The following TMEM108 variants were observed in gnomAD, a reference collection of about 807,000 sequenced individuals.
TMEM108 encodes the protein cancer/testis antigen 124.
TMEM108 carries 12 observed loss-of-function variants against 35.1 expected under a neutral mutation model. The observed-to-expected ratio is 0.34, with a 90% CI of 0.22 to 0.55. The LOEUF (loss-of-function observed/expected upper bound fraction) is 0.55, where lower values mean the gene tolerates loss of function less well. Ranked by LOEUF, TMEM108 falls within the 20% of genes least tolerant of loss-of-function variation. The pLI is 0.89. For missense variants in TMEM108, 680 were observed against 753.3 expected, an observed-to-expected ratio of 0.90 and a Z score of 1.14; for synonymous variants, 287 against 308.6, an observed-to-expected ratio of 0.93 and a Z score of 0.73.
chr3:133,173,744 A>G (rs773941570), intron 2 of TMEM108, among the ~76,000 whole-genome samples: 1 of 152,204 alleles, frequency 6.6e-6, no homozygotes, highest in African/African-American at 2.4e-5. Context: ...GAACAGCTCT[A>G]GTCTACAGCT....
At chr3:133,345,091 C>T (rs1310537197) in intron 3 of TMEM108, among the ~76,000 whole-genome samples, 2 of 151,744 alleles carry the variant, frequency 1.3e-5, no homozygotes, top group East Asian at 1.9e-4. Context: ...CTCATGTAAC[C>T]GAGTTTCCAA....
Position 133,114,454 on chromosome 3 carries a change from C to T in TMEM108, c.-47+68434C>T, listed in dbSNP as rs1559836619. ...TAATGTAACTAAACAATAACATAAA[C>T]GCTAGAATTCCCAACTGTTCTTTTA... On this transcript the variant is annotated intron_variant, in intron 2 of 5. Transcript: ENST00000321871. Among the ~76,000 whole-genome samples the T allele has an allele frequency of 2.6e-5, 4 of 152,020 alleles. No homozygotes were observed. In the South Asian group the frequency reaches 8.3e-4, roughly 32 times the overall value.
intron 4 of TMEM108, 60 bp downstream of exon 4, chr3:133,381,221 G>T: frequency 1.3e-6 from 2 of 1,497,978 alleles, no homozygotes; most frequent in South Asian, 2.7e-5. Flanking sequence ...CTCAACCCCA[G>T]CATTCCTTTG....
chr3:133,286,584 G>A (rs1055512058), intron 3 of TMEM108, among the ~76,000 whole-genome samples: 1 of 152,098 alleles, frequency 6.6e-6, no homozygotes. Context: ...CAATCTTCCC[G>A]CCTTGGCCTC....
At chr3:133,373,476 C>T (rs2072743858) in intron 3 of TMEM108, among the ~76,000 whole-genome samples, 1 of 151,822 alleles carries the variant, frequency 6.6e-6, no homozygotes, top group African/African-American at 2.4e-5. Flanking sequence ...ATGGGATTGG[C>T]AGGCAATGAG....
chr3:133,241,753 T>G (rs1946317089), intron 3 of TMEM108, among the ~76,000 whole-genome samples: 1 of 151,888 alleles, frequency 6.6e-6, no homozygotes, highest in African/African-American at 2.4e-5. Context: ...TAGCTGGGAT[T>G]ACAGGTGCAC....
At chr3:133,101,994 G>T (rs1468831699) in intron 2 of TMEM108, among the ~76,000 whole-genome samples, 1 of 152,138 alleles carries the variant, frequency 6.6e-6, no homozygotes, top group African/African-American at 2.4e-5. Flanking sequence ...TATTTTTGAG[G>T]CTATTCTATC....
intron 2 of TMEM108, among the ~76,000 whole-genome samples, chr3:133,184,629 T>G (rs986983286): frequency 3.3e-5 from 5 of 151,924 alleles, no homozygotes; most frequent in South Asian, 2.1e-4. Context: ...GACAACTCCC[T>G]TCAGTCATTT....
chr3:133,241,273 A>T (rs998414832), intron 3 of TMEM108, among the ~76,000 whole-genome samples: 1 of 152,218 alleles, frequency 6.6e-6, no homozygotes, highest in Non-Finnish European at 1.5e-5. Flanking sequence ...AAGCCCCCCA[A>T]ACCTAAGATA....
chr3:133,294,029 G>C (rs925010781), intron 3 of TMEM108, among the ~76,000 whole-genome samples: 1 of 152,180 alleles, frequency 6.6e-6, no homozygotes, highest in Non-Finnish European at 1.5e-5. Context: ...GATTTGTTAT[G>C]ACTGAATATT....
In TMEM108 at chr3:133,396,858, T is replaced by C. The variant is rs1394362389; in HGVS notation, c.*872T>C. The C allele has an allele frequency of 6.6e-6, 1 of 152,126 alleles. No individual in the cohort carries two copies. The highest frequency in any genetic ancestry group is 2.4e-5 in the African/African-American group (1 of 41,410). The allele number at this position is 152,126 out of a possible 1,614,324, so 9.4% of individuals were successfully genotyped here. On this transcript the variant is annotated 3_prime_UTR_variant, in exon 6 of 6. Coordinates refer to ENST00000321871, the MANE Select transcript of TMEM108 (RefSeq NM_023943.4). ...TTTATTGGGGTTCAGCTTTGTTTTC[T>C]CAAAAGGCCATGGTATCGTGCCCCT...
chr3:133,270,464 C>T (rs1946754434), intron 3 of TMEM108, among the ~76,000 whole-genome samples: 1 of 152,120 alleles, frequency 6.6e-6, no homozygotes. Flanking sequence ...GTGACGTTCC[C>T]TAGGTTGCAT....
At chr3:133,378,587 C>T in intron 3 of TMEM108, 1 of 973,674 alleles carries the variant, frequency 1.0e-6, no homozygotes, top group Non-Finnish European at 1.2e-6. Flanking sequence ...GACTGTTGGC[C>T]CTTCCTCAGC....
At chr3:133,129,063 G>A (rs1212233869) in intron 2 of TMEM108, among the ~76,000 whole-genome samples, 2 of 152,128 alleles carry the variant, frequency 1.3e-5, no homozygotes, top group Non-Finnish European at 2.9e-5. Flanking sequence ...AAACAAAACA[G>A]GCTGGGCACA....
chr3:133,361,640 C>T (rs2072353366), intron 3 of TMEM108, among the ~76,000 whole-genome samples: 1 of 152,082 alleles, frequency 6.6e-6, no homozygotes, highest in African/African-American at 2.4e-5. Context: ...GCAGTTGCTG[C>T]TGGGAAGATT....
At chr3:133,078,684 G>A (rs1943774593) in intron 2 of TMEM108, among the ~76,000 whole-genome samples, 1 of 152,168 alleles carries the variant, frequency 6.6e-6, no homozygotes, top group East Asian at 1.9e-4. Context: ...TTTAACTGGA[G>A]GAGTTTTAAG....
chr3:133,094,236 C>CTCCA (rs1943984567), intron 2 of TMEM108, among the ~76,000 whole-genome samples: 1 of 126,188 alleles, frequency 7.9e-6, no homozygotes, highest in Non-Finnish European at 1.7e-5. Context: ...ACCCCCCACC[C>CTCCA]CCCCCACACA....
At chr3:133,220,117 T>G (rs1480960064) in intron 2 of TMEM108, among the ~76,000 whole-genome samples, 1 of 151,798 alleles carries the variant, frequency 6.6e-6, no homozygotes, top group African/African-American at 2.4e-5. Context: ...ACTAAAAGTC[T>G]TTTTTATCCG....
intron 2 of TMEM108, among the ~76,000 whole-genome samples, chr3:133,165,387 G>T (rs913730996): frequency 1.3e-5 from 2 of 152,100 alleles, no homozygotes; most frequent in African/African-American, 4.8e-5. Flanking sequence ...TGGATGATTC[G>T]AAGTGACAGA....
Sources: allele counts gnomAD v4.1 joint callset (sites outside exome capture counted in the v4.1 genomes callset), GRCh38; gene constraint gnomAD v4.1.1; transcripts MANE v1.5; gene names NCBI Gene and HGNC (gene_info 2026-07-23, HGNC 2026-07-21).